Variants in ZNF708 observed in about 807,000 individuals in gnomAD.
The protein encoded by ZNF708 is zinc finger protein 708, also known as ZNF15, ZNF15L1.
ZNF708 carries 44 observed loss-of-function variants against 47.0 expected under a neutral mutation model. The ratio of observed to expected loss-of-function variants is 0.94; its 90% CI spans 0.74 to 1.20. ZNF708 has a LOEUF of 1.20. ZNF708 is among the 50% of genes most tolerant of loss of function. The pLI, the probability that ZNF708 is intolerant of heterozygous loss-of-function variation, is 0.00. For missense variants in ZNF708, 557 were observed against 656.0 expected, an observed-to-expected ratio of 0.85 and a Z score of 1.65; for synonymous variants, 184 against 218.5, an observed-to-expected ratio of 0.84 and a Z score of 1.39.
intron 3 of ZNF708, among the ~76,000 whole-genome samples, chr19:21,304,850 G>A (rs974479279): frequency 6.6e-6 from 1 of 152,072 alleles, no homozygotes; most frequent in East Asian, 1.9e-4. Flanking sequence ...TACAGCCTGG[G>A]CAACAGAGTA....
At position 21,292,921 on chromosome 19, in the gene ZNF708, T is replaced by C. The variant is rs994819557; in HGVS notation, c.*353A>G. 5.0e-6 allele frequency: 1 copy of C among 198,856 alleles called. No individual in the cohort carries two copies. Among genetic ancestry groups the C allele is most frequent in the Non-Finnish European group, 1.0e-5 (1 of 96,370 alleles). The allele number at this position is 198,856 out of a possible 1,614,324, so 12.3% of individuals were successfully genotyped here. ...TACCTACAATCAAGTGTGACAATCA[T>C]TTAAAGATTTTGTCACATTTTTCGC... is the stretch of plus-strand genomic sequence containing the variant. On this transcript the variant is annotated 3_prime_UTR_variant, in exon 4 of 4. Transcript: ENST00000356929.
At chr19:21,311,699 A>G (rs1599681388) in intron 1 of ZNF708, among the ~76,000 whole-genome samples, 1 of 152,312 alleles carries the variant, frequency 6.6e-6, no homozygotes, top group South Asian at 2.1e-4. Context: ...TTGCAGAAAA[A>G]GTCCACCCAT....
intron 3 of ZNF708, among the ~76,000 whole-genome samples, chr19:21,295,183 G>T (rs753640413): frequency 7.9e-5 from 12 of 152,192 alleles, no homozygotes; most frequent in Non-Finnish European, 1.6e-4. Flanking sequence ...AGTGCTAAAA[G>T]AAATGGTGGT....
chr19:21,308,279 T>A (rs2145167142), intron 3 of ZNF708, among the ~76,000 whole-genome samples: 1 of 150,880 alleles, frequency 6.6e-6, no homozygotes, highest in South Asian at 2.1e-4. Context: ...CTATAATAAA[T>A]CTTTTTTTTT....
intron 3 of ZNF708, among the ~76,000 whole-genome samples, chr19:21,298,128 C>T (rs961455295): frequency 2.0e-5 from 3 of 151,816 alleles, no homozygotes; most frequent in African/African-American, 7.3e-5. Context: ...AAAAATAAAA[C>T]AAGATGGAAT....
intron 1 of ZNF708, among the ~76,000 whole-genome samples, chr19:21,314,776 A>G (rs1265502978): frequency 4.6e-5 from 7 of 152,170 alleles, no homozygotes. Context: ...GGAAGGAACA[A>G]ACACAGGATG....
At chr19:21,318,895 C>T (rs1371023005) in intron 1 of ZNF708, among the ~76,000 whole-genome samples, 1 of 152,164 alleles carries the variant, frequency 6.6e-6, no homozygotes, top group Non-Finnish European at 1.5e-5. Flanking sequence ...TTACCTATAA[C>T]TATCCCTATT....
At position 21,316,824 on chromosome 19, in the gene ZNF708, T is replaced by C. The variant is rs527286337; in HGVS notation, c.4-6197A>G. ...TTTTTGAAACGAAGTTTCGCTCTTGTTGCCCAGGCTGGAGTGCAATAGCAC... is the reference window on the plus strand; with the variant it reads ...TTTTTGAAACGAAGTTTCGCTCTTGCTGCCCAGGCTGGAGTGCAATAGCAC... On this transcript the variant is annotated intron_variant, in intron 1 of 3. Transcript: ENST00000356929. 2.0e-5 allele frequency among the ~76,000 whole-genome samples: 3 copies of C among 152,034 alleles called. No individual in the cohort carries two copies. The East Asian group carries it at 6.0e-4, about 30-fold the overall frequency.
intron 3 of ZNF708, among the ~76,000 whole-genome samples, chr19:21,307,092 TAC>T (rs1972791721): frequency 6.8e-5 from 7 of 103,646 alleles, no homozygotes; most frequent in African/African-American, 2.8e-4. Flanking sequence ...AAATATAAAA[TAC>T]AAAATAAAAT....
At chr19:21,304,809 G>C (rs1467698627) in intron 3 of ZNF708, among the ~76,000 whole-genome samples, 1 of 152,088 alleles carries the variant, frequency 6.6e-6, no homozygotes, top group African/African-American at 2.4e-5. Flanking sequence ...GCAGGCTGAG[G>C]TTGCAGCGAG....
At chr19:21,300,701 C>A (rs1972641845) in intron 3 of ZNF708, among the ~76,000 whole-genome samples, 1 of 151,804 alleles carries the variant, frequency 6.6e-6, no homozygotes, top group Non-Finnish European at 1.5e-5. Context: ...CGCTCTGTCT[C>A]CCAGGCTGGA....
rs768932635 is a variant in ZNF708, at chr19:21,294,719, T to A, written c.247A>T (p.Lys83Ter). The change falls in exon 4 of 4, where the codon AAA becomes TAA. Residue 83 changes from lysine to a stop codon, truncating the protein, a stop_gained. Transcript: ENST00000356929. LOFTEE classifies it high-confidence loss of function. ...KPPAMCSHFA[K>*]DLRPEQYIKN... ...ATATATTGCTCTGGCCTAAGGTCTT[T>A]GGCAAAATGAGAACACATAGCTGAA... 4 of 1,592,406 alleles carry A rather than the reference T, an allele frequency of 2.5e-6. No individual in the cohort carries two copies. Among genetic ancestry groups the A allele is most frequent in the Non-Finnish European group, 3.4e-6 (4 of 1,170,698 alleles).
At chr19:21,316,343 C>T (rs1239869889) in intron 1 of ZNF708, among the ~76,000 whole-genome samples, 4 of 151,668 alleles carry the variant, frequency 2.6e-5, no homozygotes. Context: ...TAAGGCTGGT[C>T]TCGAACTCCC....
At position 21,313,871 on chromosome 19, in the gene ZNF708, T is replaced by C. The variant is rs149516971; in HGVS notation, c.4-3244A>G. Among the ~76,000 whole-genome samples the C allele has an allele frequency of 6.4e-3, 980 of 152,290 alleles. 5 individuals are homozygous for C. The highest frequency in any genetic ancestry group is 7.5e-3 in the Non-Finnish European group (509 of 68,016). On this transcript the variant is annotated intron_variant, in intron 1 of 3. Coordinates refer to ENST00000356929, the MANE Select transcript of ZNF708 (RefSeq NM_021269.3). ...ATTTTTACTGGGTTTATATTTACTTTTTTGTGACTTGTGGAACAACTACTG... is the reference window on the plus strand; with the variant it reads ...ATTTTTACTGGGTTTATATTTACTTCTTTGTGACTTGTGGAACAACTACTG...
At chr19:21,308,262 C>T (rs985190281) in intron 3 of ZNF708, among the ~76,000 whole-genome samples, 1 of 149,650 alleles carries the variant, frequency 6.7e-6, no homozygotes, top group Non-Finnish European at 1.5e-5. Flanking sequence ...CCTAAATTTA[C>T]ATGAAACTAT....
At chr19:21,327,055 A>C (rs1973270530) in intron 1 of ZNF708, among the ~76,000 whole-genome samples, 1 of 152,098 alleles carries the variant, frequency 6.6e-6, no homozygotes, top group South Asian at 2.1e-4. Flanking sequence ...TCACAAATAA[A>C]ATACATGATT....
intron 1 of ZNF708, among the ~76,000 whole-genome samples, chr19:21,311,191 AAAGAT>A (rs1359302799): frequency 6.6e-6 from 1 of 152,156 alleles, no homozygotes; most frequent in African/African-American, 2.4e-5. Context: ...ACCTGTACAG[AAAGAT>A]AAGAGCTTTC....
chr19:21,317,752 A>G (rs1973044931), intron 1 of ZNF708, among the ~76,000 whole-genome samples: 2 of 152,236 alleles, frequency 1.3e-5, no homozygotes, highest in African/African-American at 2.4e-5. Flanking sequence ...ACCATGTCAT[A>G]CAGAGCTCAT....
chr19:21,307,287 C>T (rs190899936), intron 3 of ZNF708, among the ~76,000 whole-genome samples: 1 of 151,996 alleles, frequency 6.6e-6, no homozygotes, highest in Non-Finnish European at 1.5e-5. Context: ...GCTACTACCC[C>T]TCTCCACAAA....
Sources: allele counts gnomAD v4.1 joint callset (sites outside exome capture counted in the v4.1 genomes callset), GRCh38; gene constraint gnomAD v4.1.1; transcripts MANE v1.5; gene names NCBI Gene and HGNC (gene_info 2026-07-23, HGNC 2026-07-21).